SLC17A9: variants seen among roughly 807,000 people sequenced by gnomAD.
SLC17A9 encodes solute carrier family 17 member 9, also known as voltage-gated purine nucleotide uniporter SLC17A9.
Under a neutral mutation model 55.0 loss-of-function variants are expected in SLC17A9, and 49 were observed. The observed-to-expected ratio is 0.89, with a 90% CI of 0.71 to 1.13. The LOEUF is 1.13. Ranked by LOEUF, SLC17A9 falls within the 50% of genes most tolerant of loss-of-function variation. The probability of loss-of-function intolerance (pLI) is 0.00; values close to 1 mark genes in which losing one functional copy is unlikely to be tolerated. For missense variants in SLC17A9, 526 were observed against 569.3 expected (o/e 0.92, Z 0.77); for synonymous variants, 256 against 247.4 (o/e 1.03, Z -0.32).
Position 62,966,511 on chromosome 20 carries a change from T to G in SLC17A9, c.1062-14T>G. The G allele has an allele frequency of 2.5e-6, 4 of 1,613,722 alleles. No homozygotes were observed. The highest frequency in any genetic ancestry group is 3.4e-6 in the Non-Finnish European group (4 of 1,179,782). On this transcript the variant is annotated splice_polypyrimidine_tract_variant and intron_variant, in intron 10 of 12. Coordinates refer to ENST00000370351, the MANE Select transcript of SLC17A9 (RefSeq NM_022082.4). The stretch of plus-strand genomic sequence containing the variant: ...GTGGCCAGGGCCACTCACCACCCTC[T>G]TTCCTCCCCACAGTGGCATTTCTGT...
intron 7 of SLC17A9, 86 bp from the exon 8 acceptor site, chr20:62,964,142 C>T (rs1021804028): frequency 1.7e-5 from 23 of 1,372,112 alleles, no homozygotes; most frequent in African/African-American, 8.5e-5. Context: ...GTGGTGGGCA[C>T]GGGGGCGCTG....
intron 2 of SLC17A9, 139 bp downstream of exon 2, chr20:62,957,101 A>G: frequency 1.5e-6 from 2 of 1,336,298 alleles, no homozygotes; most frequent in African/African-American, 2.9e-5. Context: ...AGAGGATGCG[A>G]CTCCTGGGGA....
At position 62,957,495 on chromosome 20, in the gene SLC17A9, G is replaced by A. The variant is rs201483960; in HGVS notation, c.312G>A (p.Thr104=). Reference sequence around the variant, plus strand: ...CAGCCTCTGCCTGGGGCTCCATCACGGCCGTCACCCCACTGCTCGCCCACC... The same window carrying A: ...CAGCCTCTGCCTGGGGCTCCATCACAGCCGTCACCCCACTGCTCGCCCACC... ...LLSASAWGSI[T]AVTPLLAHLS... The change falls in exon 3 of 13, where the codon ACG becomes ACA. Residue 104 remains threonine (T), a synonymous_variant. Transcript: ENST00000370351. 69 of 1,609,398 alleles carry A rather than the reference G, an allele frequency of 4.3e-5. No individual in the cohort carries two copies. Among genetic ancestry groups the A allele is most frequent in the Middle Eastern group, 3.3e-4 (2 of 6,046 alleles).
chr20:62,967,439 C>A lies in SLC17A9; in HGVS notation c.1250C>A (p.Thr417Asn). 2 of 1,614,178 alleles carry A rather than the reference C, an allele frequency of 1.2e-6. No homozygotes were observed. Among genetic ancestry groups the A allele is most frequent in the Non-Finnish European group, 1.7e-6 (2 of 1,180,030 alleles). The change falls in exon 13 of 13, where the codon ACC (threonine) becomes AAC (asparagine). Residue 417 changes from threonine (T) to asparagine (N), a missense_variant. Thr to Asn is a moderately conservative substitution (Grantham distance 65, BLOSUM62 0). Coordinates refer to ENST00000370351, the MANE Select transcript of SLC17A9 (RefSeq NM_022082.4). Reference protein sequence around the residue: ...VAIISNLGLCTFLVFGQAQRV... With the variant: ...VAIISNLGLCNFLVFGQAQRV... ...ATCATCAGCAACCTGGGGCTGTGCA[C>A]CTTCCTGGTGTTTGGACAGGCTCAG...
chr20:62,953,265 G>A (rs1173527020), intron 1 of SLC17A9: 2 of 1,550,154 alleles, frequency 1.3e-6, no homozygotes, highest in Non-Finnish European at 1.7e-6. Context: ...GGACAGTCAG[G>A]AGGCCAGGTA....
chr20:62,956,476 C>T (rs532717466), intron 1 of SLC17A9, among the ~76,000 whole-genome samples: 17 of 152,202 alleles, frequency 1.1e-4, no homozygotes, highest in South Asian at 2.1e-4. Context: ...AAGCAGGGCC[C>T]GGCCCAGGCA....
chr20:62,967,146 C>A (rs1663727856), intron 12 of SLC17A9, 191 bp from the exon 13 acceptor site: 3 of 655,286 alleles, frequency 4.6e-6, no homozygotes, highest in Admixed American at 2.8e-5. Context: ...GAGATCTCTG[C>A]CCCTCCAAGA....
Position 62,962,540 on chromosome 20 carries a change from C to T in SLC17A9, c.498-84C>T, listed in dbSNP as rs778626464. ...CCCTCTTCTCCAGGGGCTCAGCCTG[C>T]ACCAGGGTGGGGTTTCTGAGAGGCC... is the stretch of plus-strand genomic sequence containing the variant. On this transcript the variant is annotated intron_variant, in intron 4 of 12. Transcript: ENST00000370351. The surrounding 1 kb of genome is among the most constrained non-coding windows in gnomAD (Gnocchi z 5.5). 1.0e-4 allele frequency: 160 copies of T among 1,530,660 alleles called. 1 individual carries two copies. In the Admixed American group the frequency reaches 3.1e-3, roughly 30 times the overall value. The allele number at this position is 1,530,660 out of a possible 1,614,324, so 94.8% of individuals were successfully genotyped here. A position where few individuals can be genotyped will look rare whatever the true frequency, so the allele number is the denominator to read the frequency against.
chr20:62,966,490 C>G, intron 10 of SLC17A9, 35 bp from the exon 11 acceptor site: 2 of 1,610,210 alleles, frequency 1.2e-6, no homozygotes, highest in Non-Finnish European at 1.7e-6. Flanking sequence ...TCGGTGGTGG[C>G]CAGGGCCACT....
rs368977234 is a variant in SLC17A9, at chr20:62,962,759, C to T, written c.628+5C>T. Reference sequence around the variant, plus strand: ...GGTACCTGCTGAGTGAAAAAGGTAACGCAGGCCGGGCGGGCTAGTCCCGGG... The same window carrying T: ...GGTACCTGCTGAGTGAAAAAGGTAATGCAGGCCGGGCGGGCTAGTCCCGGG... On this transcript the variant is annotated splice_donor_5th_base_variant and intron_variant, in intron 5 of 12. Coordinates refer to ENST00000370351, the MANE Select transcript of SLC17A9 (RefSeq NM_022082.4). The surrounding 1 kb of genome is among the most constrained non-coding windows in gnomAD (Gnocchi z 5.5). The T allele has an allele frequency of 8.7e-6, 14 of 1,613,354 alleles. No homozygotes were observed. Among genetic ancestry groups the T allele is most frequent in the Admixed American group, 5.0e-5 (3 of 59,982 alleles).
Position 62,957,562 on chromosome 20 carries a change from C to A in SLC17A9, c.379C>A (p.Leu127Ile). The change falls in exon 3 of 13, where the codon CTC (leucine) becomes ATC (isoleucine). Residue 127 changes from leucine to isoleucine, a missense_variant. By Grantham distance (5) the Leu-to-Ile change is conservative. Transcript: ENST00000370351. ...HLAFMTFSRI[L>I]MGLLQGVYFP... ...GGCCTTCATGACCTTCTCACGCATC[C>A]TCATGGGCTTGCTCCAAGGTAAGGG... 1 of 1,575,878 alleles carries A rather than the reference C, an allele frequency of 6.3e-7. No homozygotes were observed. Among genetic ancestry groups the A allele is most frequent in the Non-Finnish European group, 8.6e-7 (1 of 1,163,344 alleles).
Position 62,955,925 on chromosome 20 carries a change from G to A in SLC17A9, c.60-840G>A, listed in dbSNP as rs868101393. On this transcript the variant is annotated intron_variant, in intron 1 of 12. Transcript: ENST00000370351. ...GAACCTGGCTGCAAATGACGCTGGC[G>A]AAACCACACTCACTGCCAAGTTCCA... 8.5e-5 allele frequency among the ~76,000 whole-genome samples: 13 copies of A among 152,336 alleles called. No homozygotes were observed. In the South Asian group the frequency reaches 2.1e-3, roughly 24 times the overall value.
Position 62,962,939 on chromosome 20 carries a change from A to G in SLC17A9, c.628+185A>G. The G allele has an allele frequency of 1.2e-6, 1 of 834,590 alleles. No homozygotes were observed. Among genetic ancestry groups the G allele is most frequent in the Middle Eastern group, 3.7e-4 (1 of 2,716 alleles). The allele number at this position is 834,590 out of a possible 1,614,324, so 51.7% of individuals were successfully genotyped here. On this transcript the variant is annotated intron_variant, in intron 5 of 12. Coordinates refer to ENST00000370351, the MANE Select transcript of SLC17A9 (RefSeq NM_022082.4). The surrounding 1 kb of genome is among the most constrained non-coding windows in gnomAD (Gnocchi z 5.5). The stretch of plus-strand genomic sequence containing the variant: ...GTCAGCGGCTCCGCCACCCAATTCG[A>G]TCTGGAAGGTTCCATCTAGGGCTAA...
chr20:62,968,744 G>A lies in SLC17A9; in HGVS notation c.*1244G>A, dbSNP rs2065660734. The A allele has an allele frequency of 6.6e-6, 1 of 152,216 alleles. No individual in the cohort carries two copies. The allele number at this position is 152,216 out of a possible 1,614,324, so 9.4% of individuals were successfully genotyped here. A position where few individuals can be genotyped will look rare whatever the true frequency, so the allele number is the denominator to read the frequency against. On this transcript the variant is annotated 3_prime_UTR_variant, in exon 13 of 13. Transcript: ENST00000370351. ...AACGGACTCCTAGGCCGGGAGTGTT[G>A]AAATGAGCATGCCAGCAGAGCCAGG...
At chr20:62,960,379 G>C in intron 3 of SLC17A9, 125 bp from the exon 4 acceptor site, 1 of 828,758 alleles carries the variant, frequency 1.2e-6, no homozygotes, top group South Asian at 1.6e-5. Flanking sequence ...CTGGTCCCTC[G>C]GGTGGGGAGG....
chr20:62,952,987 A>C (rs2065503971), intron 1 of SLC17A9, 98 bp downstream of exon 1: 2 of 1,340,338 alleles, frequency 1.5e-6, no homozygotes, highest in African/African-American at 2.9e-5. Context: ...CTAGGTGGGG[A>C]GGGCTGAGCT....
intron 10 of SLC17A9, 76 bp downstream of exon 10, chr20:62,965,801 C>A: frequency 7.6e-7 from 1 of 1,319,698 alleles, no homozygotes; most frequent in South Asian, 1.2e-5. Context: ...GAAGAGGGAG[C>A]TCTGTCCGCC....
In SLC17A9 at chr20:62,962,789, C is replaced by T. The variant is rs761391940; in HGVS notation, c.628+35C>T. 4 of 1,608,870 alleles carry T rather than the reference C, an allele frequency of 2.5e-6. No individual in the cohort carries two copies. Among genetic ancestry groups the T allele is most frequent in the Non-Finnish European group, 2.5e-6 (3 of 1,177,018 alleles). ...GCCGGGCGGGCTAGTCCCGGGCGCC[C>T]ACAGCTGCCCAGTGCCTCCTCCCCT... is the stretch of plus-strand genomic sequence containing the variant. On this transcript the variant is annotated intron_variant, in intron 5 of 12. Transcript: ENST00000370351. This position sits in a 1 kb window ranked among gnomAD's most constrained non-coding sequence, Gnocchi z 5.5.
intron 1 of SLC17A9, among the ~76,000 whole-genome samples, chr20:62,956,355 C>T (rs116793373): frequency 0.013 from 1,926 of 152,288 alleles, 40 homozygotes; most frequent in African/African-American, 0.038. Flanking sequence ...GCCAGCTCCC[C>T]GCAGGGGCAG....
Sources: gnomAD v4.1 joint callset for allele counts (sites outside exome capture counted in the v4.1 genomes callset) on GRCh38, gnomAD v4.1.1 for gene constraint, Gnocchi (gnomAD v3.1) non-coding constraint, MANE v1.5 for transcripts, NCBI Gene and HGNC (gene_info 2026-07-23, HGNC 2026-07-21) for gene names.